The following ITGAM variants were observed in gnomAD, a reference collection of about 807,000 sequenced individuals.
The protein encoded by ITGAM is integrin subunit alpha M, also known as integrin alpha-M.
Under a neutral mutation model 137.5 loss-of-function variants are expected in ITGAM, and 79 were observed. That is an observed-to-expected ratio of 0.57 (90% CI 0.48 to 0.69). The LOEUF (loss-of-function observed/expected upper bound fraction) is 0.69. Ranked by LOEUF, ITGAM falls within the 30% of genes least tolerant of loss-of-function variation. ITGAM has a pLI of 0.00. For synonymous variants in ITGAM, 583 were observed against 592.3 expected, an observed-to-expected ratio of 0.98 and a Z score of 0.23; for missense variants, 1,343 against 1,483.5, an observed-to-expected ratio of 0.91 and a Z score of 1.56.
At chr16:31,322,415 G>T (rs761896647) in intron 16 of ITGAM, among the ~76,000 whole-genome samples, 2 of 152,162 alleles carry the variant, frequency 1.3e-5, no homozygotes, top group Non-Finnish European at 2.9e-5. Context: ...TTGAAGAAGA[G>T]GTACCCTTAA....
chr16:31,328,957 CGT>C (rs200722553), intron 23 of ITGAM: 30 of 552,318 alleles, frequency 5.4e-5, no homozygotes, highest in South Asian at 1.6e-4. Flanking sequence ...TGTATTTGTG[CGT>C]GTGTGTGTCT....
chr16:31,266,071 G>A lies in ITGAM; in HGVS notation c.351G>A (p.Thr117=), dbSNP rs775150825. The A allele has an allele frequency of 7.4e-6, 12 of 1,613,950 alleles. No individual in the cohort carries two copies. The East Asian group carries it at 1.3e-4, about 18-fold the overall frequency. ...TGCACCAGACTTGCAGTGAGAACAC[G>A]TATGTGAAAGGGCTCTGCTTCCTGT... is the stretch of plus-strand genomic sequence containing the variant. ...PTVHQTCSEN[T]YVKGLCFLFG... The change falls in exon 5 of 30, where the codon ACG becomes ACA. Residue 117 remains threonine (T), a synonymous_variant. Transcript: ENST00000544665.
chr16:31,321,407 C>T, intron 15 of ITGAM, 36 bp downstream of exon 15: 2 of 1,613,672 alleles, frequency 1.2e-6, no homozygotes, highest in Non-Finnish European at 1.7e-6. Context: ...GGACATTCTC[C>T]CTTGAAGGAA....
chr16:31,300,350 A>G (rs2080185530), intron 14 of ITGAM, among the ~76,000 whole-genome samples: 1 of 152,152 alleles, frequency 6.6e-6, no homozygotes, highest in Admixed American at 6.5e-5. Context: ...TTTTTGAGGA[A>G]CTTCCATACG....
At chr16:31,277,146 A>G in intron 11 of ITGAM, 97 bp downstream of exon 11, 1 of 1,035,104 alleles carries the variant, frequency 9.7e-7, no homozygotes, top group African/African-American at 1.6e-5. Context: ...TGGGATACAT[A>G]TGTATGGGAT....
At chr16:31,270,744 T>TATATATATA (rs1567248965) in intron 5 of ITGAM, among the ~76,000 whole-genome samples, 4 of 106,112 alleles carry the variant, frequency 3.8e-5, no homozygotes, top group African/African-American at 1.2e-4. Context: ...TATATATATA[T>TATATATATA]GTTTTTAACG....
In ITGAM at chr16:31,332,016, T is replaced by G. The variant is rs569477411; in HGVS notation, c.*309T>G. 1 of 372,460 alleles carries G rather than the reference T, an allele frequency of 2.7e-6. No homozygotes were observed. The highest frequency in any genetic ancestry group is 4.9e-6 in the Non-Finnish European group (1 of 203,548). The allele number at this position is 372,460 out of a possible 1,614,324, so 23.1% of individuals were successfully genotyped here. ...GTGCAAGTGTGTGCATGTGTGCGAGTGTGTGCATGTGTGTGCTCAGGGGCG... is the reference window on the plus strand; with the variant it reads ...GTGCAAGTGTGTGCATGTGTGCGAGGGTGTGCATGTGTGTGCTCAGGGGCG... On this transcript the variant is annotated 3_prime_UTR_variant, in exon 30 of 30. Coordinates refer to ENST00000544665, the MANE Select transcript of ITGAM (RefSeq NM_000632.4).
At chr16:31,276,602 G>A (rs1282321570) in intron 9 of ITGAM, 69 bp from the exon 10 acceptor site, 26 of 1,115,366 alleles carry the variant, frequency 2.3e-5, no homozygotes, top group African/African-American at 3.1e-5. Flanking sequence ...AAAATGTTGG[G>A]ATTACAGGCG....
chr16:31,311,495 A>G (rs980878824), intron 14 of ITGAM, among the ~76,000 whole-genome samples: 1 of 152,246 alleles, frequency 6.6e-6, no homozygotes, highest in African/African-American at 2.4e-5. Context: ...GACACTTCTC[A>G]AAAGAAGACA....
Position 31,276,974 on chromosome 16 carries a change from C to G in ITGAM, c.1138C>G (p.Leu380Val). The change falls in exon 11 of 30, where the codon CTA becomes GTA. Residue 380 changes from leucine to valine, a missense_variant. By Grantham distance (32) the Leu-to-Val change is conservative. Coordinates refer to ENST00000544665, the MANE Select transcript of ITGAM (RefSeq NM_000632.4). ...GSYDWAGGVF[L>V]YTSKEKSTFI... is the part of the protein sequence containing the mutation. ...CTATGACTGGGCTGGTGGAGTCTTT[C>G]TATATACATCAAAGGAGAAAAGCAC... The G allele has an allele frequency of 6.2e-7, 1 of 1,613,116 alleles. No homozygotes were observed. The highest frequency in any genetic ancestry group is 8.5e-7 in the Non-Finnish European group (1 of 1,179,558).
chr16:31,265,408 GC>G lies in ITGAM; in HGVS notation c.154del (p.Gln52ArgfsTer3). 1 of 1,600,828 alleles carries G rather than the reference GC, an allele frequency of 6.2e-7. No individual in the cohort carries two copies. Among genetic ancestry groups the G allele is most frequent in the Non-Finnish European group, 8.5e-7 (1 of 1,173,396 alleles). On this transcript the variant is annotated frameshift_variant, in exon 3 of 30. Transcript: ENST00000544665. LOFTEE classifies it high-confidence loss of function. ...QLQGSRVVVG[A>X]PQEIVAANQR... ...TTCTCCCCACAGGGTGGTGGTTGGAGCCCCCCAGGAGATAGTGGCTGCCAAC... is the reference window on the plus strand; with the variant it reads ...TTCTCCCCACAGGGTGGTGGTTGGAGCCCCCAGGAGATAGTGGCTGCCAAC...
At chr16:31,295,459 A>G (rs925220137) in intron 12 of ITGAM, among the ~76,000 whole-genome samples, 2 of 151,612 alleles carry the variant, frequency 1.3e-5, no homozygotes, top group Non-Finnish European at 2.9e-5. Flanking sequence ...GCTATTGTAA[A>G]TGAGATTGTT....
At chr16:31,310,966 C>G (rs568536556) in intron 14 of ITGAM, among the ~76,000 whole-genome samples, 1 of 152,230 alleles carries the variant, frequency 6.6e-6, no homozygotes, top group Non-Finnish European at 1.5e-5. Flanking sequence ...ACTGAGCACT[C>G]AGAAATAGTG....
In ITGAM at chr16:31,326,840, C is replaced by T. The variant is rs751818658; in HGVS notation, c.2629-16C>T. On this transcript the variant is annotated splice_polypyrimidine_tract_variant and intron_variant, in intron 21 of 29. Coordinates refer to ENST00000544665, the MANE Select transcript of ITGAM (RefSeq NM_000632.4). ...TCTCATATTTCTGTCATTGTCTCTC[C>T]TTTCTCTCACTCCAGGTCACCTTTA... 5 of 1,577,694 alleles carry T rather than the reference C, an allele frequency of 3.2e-6. No individual in the cohort carries two copies. In the South Asian group the frequency reaches 5.5e-5, roughly 18 times the overall value.
intron 12 of ITGAM, among the ~76,000 whole-genome samples, chr16:31,296,982 T>C (rs1283229367): frequency 6.6e-6 from 1 of 152,152 alleles, no homozygotes; most frequent in Non-Finnish European, 1.5e-5. Flanking sequence ...TTTACCTCCC[T>C]AAAGATTCCC....
At chr16:31,319,333 G>A (rs2080424051) in intron 14 of ITGAM, among the ~76,000 whole-genome samples, 1 of 151,440 alleles carries the variant, frequency 6.6e-6, no homozygotes, top group Non-Finnish European at 1.5e-5. Flanking sequence ...CTTCAGTTCT[G>A]TCATTATTAG....
intron 29 of ITGAM, 29 bp from the exon 30 acceptor site, chr16:31,331,607 C>T: frequency 7.2e-7 from 1 of 1,384,194 alleles, no homozygotes; most frequent in African/African-American, 1.5e-5. Flanking sequence ...TGGCTGCTGT[C>T]GCTCTCACTG....
At chr16:31,315,362 A>G (rs748051559) in intron 14 of ITGAM, among the ~76,000 whole-genome samples, 11 of 152,204 alleles carry the variant, frequency 7.2e-5, no homozygotes, top group Non-Finnish European at 1.5e-4. Context: ...TGCCCAGACC[A>G]ATGTCATGAA....
In ITGAM at chr16:31,329,882, C is replaced by T. The variant is rs1396761062; in HGVS notation, c.2953C>T (p.Arg985Cys). The T allele has an allele frequency of 6.4e-7, 1 of 1,562,482 alleles. No individual in the cohort carries two copies. Among genetic ancestry groups the T allele is most frequent in the Non-Finnish European group, 8.7e-7 (1 of 1,153,410 alleles). The change falls in exon 25 of 30, where the codon CGC becomes TGC. Residue 985 changes from arginine (R) to cysteine (C), a missense_variant. Coordinates refer to ENST00000544665, the MANE Select transcript of ITGAM (RefSeq NM_000632.4). ...VRLNQTVIWD[R>C]PQVTFSENLS... Reference sequence around the variant, plus strand: ...GCTGAACCAGACTGTCATATGGGACCGCCCCCAGGTCACCTTCTCCGAGGT... The same window carrying T: ...GCTGAACCAGACTGTCATATGGGACTGCCCCCAGGTCACCTTCTCCGAGGT...
Sources: gnomAD v4.1 joint callset for allele counts (sites outside exome capture counted in the v4.1 genomes callset) on GRCh38, gnomAD v4.1.1 for gene constraint, MANE v1.5 for transcripts, NCBI Gene and HGNC (gene_info 2026-07-23, HGNC 2026-07-21) for gene names.